RBFOX1: variants seen among roughly 807,000 people sequenced by gnomAD.
The protein encoded by RBFOX1 is RNA binding protein fox-1 homolog 1.
Under a neutral mutation model 57.7 loss-of-function variants are expected in RBFOX1, and 8 were observed. The observed-to-expected ratio is 0.14, with a 90% CI of 0.08 to 0.25. The LOEUF is 0.25. Ranked by LOEUF, RBFOX1 falls within the 10% of genes least tolerant of loss-of-function variation. The pLI is 1.00. For synonymous variants in RBFOX1, 326 were observed against 222.4 expected (o/e 1.47, Z -4.15); for missense variants, 611 against 548.5 (o/e 1.11, Z -1.14).
intron 1 of RBFOX1, among the ~76,000 whole-genome samples, chr16:6,256,541 T>C (rs571793322): frequency 6.6e-6 from 1 of 151,766 alleles, no homozygotes; most frequent in South Asian, 2.1e-4. Flanking sequence ...GAACTTGACA[T>C]TGGTTGCAGT....
At chr16:5,636,791 G>T (rs968775009) in intron 3 of RBFOX1, among the ~76,000 whole-genome samples, 1 of 152,158 alleles carries the variant, frequency 6.6e-6, no homozygotes, top group Non-Finnish European at 1.5e-5. Context: ...TTTTCAAATG[G>T]GAATTTGATT....
rs998448288 is a variant in RBFOX1 at position 5,947,578 on chromosome 16, C to G, written c.351+80243C>G. On this transcript the variant is annotated intron_variant, in intron 4 of 19. Coordinates refer to the RBFOX1 transcript ENST00000641259. This position sits in a 1 kb window ranked among gnomAD's most constrained non-coding sequence, Gnocchi z 7.2. ...CCCCAAGCAATTCTCACATATCAGC[C>G]TCCCAAAGTGCTGGGATTACATGCA... 1.3e-5 allele frequency among the ~76,000 whole-genome samples: 2 copies of G among 152,158 alleles called. No homozygotes were observed. Among genetic ancestry groups the G allele is most frequent in the Non-Finnish European group, 2.9e-5 (2 of 68,030 alleles).
At chr16:6,781,244 T>C (rs2080970723) in intron 3 of RBFOX1, among the ~76,000 whole-genome samples, 1 of 152,184 alleles carries the variant, frequency 6.6e-6, no homozygotes, top group Admixed American at 6.6e-5. Flanking sequence ...TTGATTTGTC[T>C]TTGTTGAACC....
At chr16:6,040,210 A>T (rs1297439821) in intron 1 of RBFOX1, among the ~76,000 whole-genome samples, 2 of 152,262 alleles carry the variant, frequency 1.3e-5, no homozygotes, top group African/African-American at 4.8e-5. Flanking sequence ...TACACATAAA[A>T]TAAATGTTAC....
chr16:7,357,205 CATCCTGATAAG>C (rs2097232365), intron 4 of RBFOX1, among the ~76,000 whole-genome samples: 1 of 148,550 alleles, frequency 6.7e-6, no homozygotes, highest in South Asian at 2.1e-4. Context: ...GTTTTGAAAT[CATCCTGATAAG>C]AGTCGGCAGG....
At chr16:7,281,220 C>G (rs1315443889) in intron 4 of RBFOX1, among the ~76,000 whole-genome samples, 2 of 151,868 alleles carry the variant, frequency 1.3e-5, no homozygotes, top group African/African-American at 2.4e-5. Context: ...CCAAGCTGGT[C>G]TCAGACTCCT....
chr16:5,632,836 G>T (rs1320017875), intron 3 of RBFOX1, among the ~76,000 whole-genome samples: 1 of 152,068 alleles, frequency 6.6e-6, no homozygotes, highest in African/African-American at 2.4e-5. Flanking sequence ...TGGGAGAACT[G>T]CAGCACACAG....
At chr16:7,220,407 T>C (rs79266167) in intron 4 of RBFOX1, among the ~76,000 whole-genome samples, 19,790 of 152,188 alleles carry the variant, frequency 0.13, 1,866 homozygotes, top group African/African-American at 0.26. Flanking sequence ...GAAGGTGCAA[T>C]GCATTACAAT....
rs551703254 is a variant in RBFOX1 at position 7,610,448 on chromosome 16, G to A, written c.676+3110G>A. 2.6e-5 allele frequency among the ~76,000 whole-genome samples: 4 copies of A among 151,592 alleles called. No individual in the cohort carries two copies. In the South Asian group the frequency reaches 6.3e-4, roughly 24 times the overall value. On this transcript the variant is annotated intron_variant, in intron 10 of 15. Coordinates refer to ENST00000550418, the MANE Select transcript of RBFOX1 (RefSeq NM_018723.4). ...TCTCCTATGATCATGCTACTGCTCT[G>A]TGTGCAAACCAGTGAAATAAAAGAA...
intron 4 of RBFOX1, among the ~76,000 whole-genome samples, chr16:5,940,957 T>C (rs2059266280): frequency 6.6e-6 from 1 of 152,176 alleles, no homozygotes; most frequent in South Asian, 2.1e-4. Context: ...ATTCTGCCCC[T>C]TAATTGAATG....
chr16:6,093,729 C>G (rs959694404), intron 1 of RBFOX1, among the ~76,000 whole-genome samples: 4 of 152,044 alleles, frequency 2.6e-5, no homozygotes, highest in Admixed American at 6.5e-5. Flanking sequence ...TCAAGCGATC[C>G]TTTCTCCTCA....
intron 3 of RBFOX1, among the ~76,000 whole-genome samples, chr16:6,726,358 T>G (rs1342528688): frequency 6.6e-6 from 1 of 151,906 alleles, no homozygotes; most frequent in African/African-American, 2.4e-5. Context: ...TTTTTGCATT[T>G]GTAAAAAAAT....
chr16:5,264,419 G>C (rs1478207659), intron 1 of RBFOX1, among the ~76,000 whole-genome samples: 1 of 152,150 alleles, frequency 6.6e-6, no homozygotes, highest in African/African-American at 2.4e-5. Flanking sequence ...TCCCCAAATG[G>C]TGTTCTTTGG....
intron 3 of RBFOX1, among the ~76,000 whole-genome samples, chr16:5,713,877 G>A (rs1463692195): frequency 6.6e-6 from 1 of 152,228 alleles, no homozygotes; most frequent in African/African-American, 2.4e-5. Flanking sequence ...CTTGTTGGAA[G>A]TGAGGAGGAA....
chr16:5,896,825 C>G (rs2058175680), intron 4 of RBFOX1, among the ~76,000 whole-genome samples: 1 of 152,026 alleles, frequency 6.6e-6, no homozygotes. Context: ...TAACAGAGAT[C>G]TGGTGAAGCA....
chr16:5,371,538 A>G (rs2065856727), intron 1 of RBFOX1, among the ~76,000 whole-genome samples: 1 of 152,190 alleles, frequency 6.6e-6, no homozygotes, highest in South Asian at 2.1e-4. Context: ...ACATTTTGTT[A>G]TGGCAGCCCT....
At chr16:6,339,980 C>G (rs1328791982) in intron 2 of RBFOX1, among the ~76,000 whole-genome samples, 1 of 152,086 alleles carries the variant, frequency 6.6e-6, no homozygotes, top group African/African-American at 2.4e-5. Context: ...CCCAGCCCAT[C>G]TTAAGCAATT....
At chr16:7,700,438 C>G (rs1395957755) in intron 14 of RBFOX1, among the ~76,000 whole-genome samples, 1 of 152,158 alleles carries the variant, frequency 6.6e-6, no homozygotes, top group Admixed American at 6.5e-5. Flanking sequence ...TCTAGAAATT[C>G]TGACTGAGGG....
At chr16:6,826,512 C>A (rs2092157114) in intron 3 of RBFOX1, among the ~76,000 whole-genome samples, 1 of 152,164 alleles carries the variant, frequency 6.6e-6, no homozygotes, top group Non-Finnish European at 1.5e-5. Flanking sequence ...AATAAGCGTT[C>A]CATAAGTGGC....
Sources: gnomAD v4.1 joint callset for allele counts (sites outside exome capture counted in the v4.1 genomes callset) on GRCh38, gnomAD v4.1.1 for gene constraint, Gnocchi (gnomAD v3.1) non-coding constraint, MANE v1.5 for transcripts, NCBI Gene and HGNC (gene_info 2026-07-23, HGNC 2026-07-21) for gene names.